The following ABCB1 variants were observed in gnomAD, a reference collection of about 807,000 sequenced individuals.
The protein encoded by ABCB1 is ATP binding cassette subfamily B member 1, also known as ATP-dependent translocase ABCB1.
A neutral mutation model predicts 142.0 loss-of-function variants in ABCB1; 69 were observed. The observed-to-expected ratio is 0.49, with a 90% CI of 0.40 to 0.59. The LOEUF (loss-of-function observed/expected upper bound fraction) is 0.59, where lower values mean the gene tolerates loss of function less well. ABCB1 is among the 20% of genes least tolerant of loss of function. The pLI is 0.00. For synonymous variants in ABCB1, 532 were observed against 539.2 expected, an observed-to-expected ratio of 0.99 and a Z score of 0.18; for missense variants, 1,326 against 1,554.7, an observed-to-expected ratio of 0.85 and a Z score of 2.47.
At position 87,509,358 on chromosome 7, in the gene ABCB1, T is replaced by C. The variant is rs2117067837; in HGVS notation, c.3406A>G (p.Asn1136Asp). 2 of 1,614,140 alleles carry C rather than the reference T, an allele frequency of 1.2e-6. No individual in the cohort carries two copies. The highest frequency in any genetic ancestry group is 2.2e-5 in the South Asian group (2 of 91,078). ...TCTTCCTGTGACACCACCCGGCTGT[T>C]GTCTCCATAGGCAATGTTCTCAGCA... ...SIAENIAYGD[N>D]SRVVSQEEIV... Residue 1136 changes from asparagine (N) to aspartate (D), a missense_variant, in exon 26 of 28, where the codon AAC (asparagine) becomes GAC (aspartate). Asn to Asp is a conservative substitution (Grantham distance 23). Coordinates refer to ENST00000622132, the MANE Select transcript of ABCB1 (RefSeq NM_001348946.2).
chr7:87,513,932 G>A lies in ABCB1; in HGVS notation c.3282+1299C>T, dbSNP rs758622853. Reference sequence around the variant, plus strand: ...TCTAATTGCTTTGGCTGTCAGCGACGTCTTTATTTAGAGTCCTGTTTTTAA... The same window carrying A: ...TCTAATTGCTTTGGCTGTCAGCGACATCTTTATTTAGAGTCCTGTTTTTAA... On this transcript the variant is annotated intron_variant, in intron 25 of 27. Coordinates refer to ENST00000622132, the MANE Select transcript of ABCB1 (RefSeq NM_001348946.2). 3.4e-4 allele frequency among the ~76,000 whole-genome samples: 52 copies of A among 152,260 alleles called. 2 individuals are homozygous for A. The highest frequency in any genetic ancestry group is 9.7e-4 in the East Asian group (5 of 5,176).
chr7:87,548,036 A>G (rs1816864769), intron 14 of ABCB1, among the ~76,000 whole-genome samples: 1 of 147,238 alleles, frequency 6.8e-6, no homozygotes, highest in East Asian at 2.0e-4. Context: ...AAGATAAGAT[A>G]AGATAAGAAA....
rs751153828 is a variant in ABCB1, at chr7:87,520,893, C to T, written c.2686-17G>A. On this transcript the variant is annotated splice_polypyrimidine_tract_variant and intron_variant, in intron 21 of 27. Transcript: ENST00000622132. ...AGTAGCGATCTGTAACAGACAGCAC[C>T]GATCACCAAGAGGCACAAGAGTAAA... is the stretch of plus-strand genomic sequence containing the variant. 10 of 1,594,690 alleles carry T rather than the reference C, an allele frequency of 6.3e-6. No homozygotes were observed. Among genetic ancestry groups the T allele is most frequent in the East Asian group, 2.2e-5 (1 of 44,740 alleles).
At chr7:87,665,721 T>C (rs1825162344) in intron 1 of ABCB1, among the ~76,000 whole-genome samples, 1 of 151,966 alleles carries the variant, frequency 6.6e-6, no homozygotes, top group Admixed American at 6.6e-5. Context: ...ACCTCAGAGT[T>C]TGTTGTTCTC....
intron 4 of ABCB1, among the ~76,000 whole-genome samples, chr7:87,581,385 A>T (rs192715520): frequency 6.8e-4 from 103 of 152,178 alleles, no homozygotes; most frequent in African/African-American, 2.3e-3. Context: ...ATCTAGGATC[A>T]TTTCCAGATA....
intron 1 of ABCB1, among the ~76,000 whole-genome samples, chr7:87,623,258 T>C (rs1820290100): frequency 6.6e-6 from 1 of 152,168 alleles, no homozygotes; most frequent in African/African-American, 2.4e-5. Context: ...GAGTCTATAA[T>C]TTCTGGTTTG....
intron 1 of ABCB1, among the ~76,000 whole-genome samples, chr7:87,625,502 C>T (rs1380334498): frequency 6.6e-6 from 1 of 152,148 alleles, no homozygotes; most frequent in East Asian, 1.9e-4. Flanking sequence ...ACCCAAGCAT[C>T]GGTTTTTAGA....
intron 1 of ABCB1, among the ~76,000 whole-genome samples, chr7:87,684,875 G>C (rs968837400): frequency 6.6e-6 from 1 of 150,588 alleles, no homozygotes; most frequent in Non-Finnish European, 1.5e-5. Flanking sequence ...TAACCTTTAA[G>C]AATAATAGGC....
rs1312290485 is a variant in ABCB1, at chr7:87,587,849, T to C, written c.118-2169A>G. ...GAGATCGCACCACTGCACTCCAGCC[T>C]GGGCGACAGAGTGAGACTCTGTCTC... On this transcript the variant is annotated intron_variant, in intron 3 of 27. Coordinates refer to ENST00000622132, the MANE Select transcript of ABCB1 (RefSeq NM_001348946.2). Among the ~76,000 whole-genome samples, 3 of 130,228 alleles carry C rather than the reference T, an allele frequency of 2.3e-5. No homozygotes were observed. In the East Asian group the frequency reaches 6.8e-4, roughly 30 times the overall value. The allele number at this position is 130,228 out of a possible 152,430, so 85.4% of individuals were successfully genotyped here.
chr7:87,706,394 T>C (rs993592327), intron 1 of ABCB1, among the ~76,000 whole-genome samples: 11 of 152,052 alleles, frequency 7.2e-5, no homozygotes, highest in Non-Finnish European at 1.3e-4. Context: ...AGAGAATTTA[T>C]TGAGAAGGGT....
intron 1 of ABCB1, among the ~76,000 whole-genome samples, chr7:87,622,713 A>C (rs772859656): frequency 6.6e-6 from 1 of 152,166 alleles, no homozygotes; most frequent in Non-Finnish European, 1.5e-5. Context: ...TTTCTCAAAA[A>C]GGCAGTGAAA....
intron 1 of ABCB1, among the ~76,000 whole-genome samples, chr7:87,611,684 A>G (rs1201976421): frequency 6.6e-6 from 1 of 152,084 alleles, no homozygotes; most frequent in Non-Finnish European, 1.5e-5. Flanking sequence ...TTAAAAATAT[A>G]TTTTTAAATG....
intron 1 of ABCB1, chr7:87,659,264 T>A (rs1290565252): frequency 2.4e-6 from 1 of 417,190 alleles, no homozygotes. Context: ...CTTTTAGTTT[T>A]CTGTTTGTTC....
chr7:87,582,919 A>G (rs1054643001), intron 4 of ABCB1, among the ~76,000 whole-genome samples: 1 of 152,200 alleles, frequency 6.6e-6, no homozygotes, highest in Non-Finnish European at 1.5e-5. Flanking sequence ...GTTGGAGGAT[A>G]CCTACCTTCC....
intron 1 of ABCB1, among the ~76,000 whole-genome samples, chr7:87,697,533 G>A (rs1465204262): frequency 1.3e-5 from 2 of 152,178 alleles, no homozygotes; most frequent in East Asian, 3.8e-4. Flanking sequence ...AGTAAGTTTG[G>A]AAGATTTCTC....
intron 1 of ABCB1, chr7:87,693,764 C>A: frequency 1.5e-6 from 1 of 663,060 alleles, no homozygotes; most frequent in Non-Finnish European, 2.5e-6. Flanking sequence ...TAACAGAGTT[C>A]ATTTATTTAG....
In ABCB1 at chr7:87,550,797, C is replaced by T; in HGVS notation, c.1041G>A (p.Gln347=). 1 of 1,613,606 alleles carries T rather than the reference C, an allele frequency of 6.2e-7. No individual in the cohort carries two copies. Among genetic ancestry groups the T allele is most frequent in the Non-Finnish European group, 8.5e-7 (1 of 1,179,584 alleles). ...SVLIGAFSVG[Q]ASPSIEAFAN... The stretch of plus-strand genomic sequence containing the variant: ...CAAATGCTTCAATGCTTGGAGATGC[C>T]TGTCCAACACTAAAAGCCCCAATTA... The change falls in exon 10 of 28, where the codon CAG becomes CAA. Residue 347 remains glutamine (Q), a synonymous_variant. Coordinates refer to ENST00000622132, the MANE Select transcript of ABCB1 (RefSeq NM_001348946.2).
In ABCB1 at chr7:87,625,017, G is replaced by A. The variant is rs191873332; in HGVS notation, c.-330-23939C>T. Among the ~76,000 whole-genome samples the A allele has an allele frequency of 4.4e-3, 676 of 152,336 alleles. 3 individuals are homozygous for A. The highest frequency in any genetic ancestry group is 0.015 in the African/African-American group (640 of 41,572). The stretch of plus-strand genomic sequence containing the variant: ...CACGCCTGTAATCCCAGCACTCTGG[G>A]AGGCCGAGAAGGGCGGATCACGAGG... On this transcript the variant is annotated intron_variant, in intron 1 of 28. Transcript: ENST00000265724.
intron 1 of ABCB1, among the ~76,000 whole-genome samples, chr7:87,630,668 C>T (rs1821122470): frequency 6.6e-6 from 1 of 150,626 alleles, no homozygotes; most frequent in East Asian, 1.9e-4. Context: ...GGCAGTGATT[C>T]TATCTGCTTT....
Sources: gnomAD v4.1 joint callset for allele counts (sites outside exome capture counted in the v4.1 genomes callset) on GRCh38, gnomAD v4.1.1 for gene constraint, MANE v1.5 for transcripts, NCBI Gene and HGNC (gene_info 2026-07-23, HGNC 2026-07-21) for gene names.